Variants in PTPRO observed in about 807,000 individuals in gnomAD.
PTPRO encodes the protein receptor-type tyrosine-protein phosphatase O.
Under a neutral mutation model 145.2 loss-of-function variants are expected in PTPRO, and 62 were observed. The ratio of observed to expected loss-of-function variants is 0.43; its 90% confidence interval spans 0.35 to 0.53. The LOEUF is 0.53. PTPRO is among the 20% of genes least tolerant of loss of function. PTPRO has a pLI of 0.01. For synonymous variants in PTPRO, 565 were observed against 514.7 expected (o/e 1.10, Z -1.32); for missense variants, 1,345 against 1,482.7 (o/e 0.91, Z 1.53).
chr12:15,458,366 T>C (rs913731320), intron 1 of PTPRO, among the ~76,000 whole-genome samples: 1 of 152,082 alleles, frequency 6.6e-6, no homozygotes, highest in African/African-American at 2.4e-5. Flanking sequence ...TTGGAGCTCT[T>C]AGGCTTCCTT....
intron 24 of PTPRO, 64 bp downstream of exon 24, chr12:15,587,115 A>G: frequency 1.3e-6 from 2 of 1,558,244 alleles, no homozygotes; most frequent in Non-Finnish European, 1.8e-6. Context: ...GGAACAGCTC[A>G]CCATTCCATA....
chr12:15,535,804 G>C (rs999773537), intron 12 of PTPRO, among the ~76,000 whole-genome samples: 7 of 152,152 alleles, frequency 4.6e-5, no homozygotes, highest in African/African-American at 1.7e-4. Context: ...TTGGAATTTG[G>C]TCTTAGGGAC....
At chr12:15,354,160 A>T (rs2136234556) in intron 1 of PTPRO, among the ~76,000 whole-genome samples, 1 of 152,270 alleles carries the variant, frequency 6.6e-6, no homozygotes, top group South Asian at 2.1e-4. Flanking sequence ...TTCTACACAA[A>T]TTGATGTAGA....
intron 1 of PTPRO, among the ~76,000 whole-genome samples, chr12:15,361,987 T>C (rs1460268536): frequency 6.6e-6 from 1 of 152,210 alleles, no homozygotes; most frequent in Non-Finnish European, 1.5e-5. Flanking sequence ...ACAGACACTG[T>C]ACATGAACTA....
intron 10 of PTPRO, among the ~76,000 whole-genome samples, chr12:15,521,539 A>G (rs1441366884): frequency 6.6e-6 from 1 of 152,200 alleles, no homozygotes; most frequent in Non-Finnish European, 1.5e-5. Flanking sequence ...CCTTCTCACC[A>G]GGACAGTTGT....
At chr12:15,520,746 TA>T (rs1430186910) in intron 10 of PTPRO, among the ~76,000 whole-genome samples, 1 of 152,170 alleles carries the variant, frequency 6.6e-6, no homozygotes, top group Non-Finnish European at 1.5e-5. Context: ...TTGTGGAAAT[TA>T]AAAAATAGGG....
intron 6 of PTPRO, among the ~76,000 whole-genome samples, chr12:15,507,014 G>C (rs1308067137): frequency 2.0e-5 from 3 of 152,268 alleles, no homozygotes; most frequent in East Asian, 3.9e-4. Flanking sequence ...TTTGGAATCA[G>C]ACTTCCTGTG....
chr12:15,381,120 C>T lies in PTPRO; in HGVS notation c.75+58319C>T, dbSNP rs115371289. On this transcript the variant is annotated intron_variant, in intron 1 of 26. Transcript: ENST00000281171. Reference sequence around the variant, plus strand: ...GAGATTTATCTTTGAAAATAAAAGTCATCTAGTTTCTACAATTAATTAATC... The same window carrying T: ...GAGATTTATCTTTGAAAATAAAAGTTATCTAGTTTCTACAATTAATTAATC... 4.3e-3 allele frequency among the ~76,000 whole-genome samples: 649 copies of T among 152,244 alleles called. 5 individuals are homozygous for T. Among genetic ancestry groups the T allele is most frequent in the African/African-American group, 0.015 (611 of 41,556 alleles).
At chr12:15,439,851 T>A (rs1466942573) in intron 1 of PTPRO, 2 of 627,682 alleles carry the variant, frequency 3.2e-6, no homozygotes, top group Non-Finnish European at 5.8e-6. Context: ...TTGAAGATTA[T>A]GATGGTGCAG....
chr12:15,401,299 C>A (rs930620198), intron 1 of PTPRO, among the ~76,000 whole-genome samples: 2 of 152,214 alleles, frequency 1.3e-5, no homozygotes, highest in African/African-American at 4.8e-5. Flanking sequence ...AAAAACTAGT[C>A]ATCTCCCCAT....
At chr12:15,566,191 G>C (rs947959161) in intron 18 of PTPRO, among the ~76,000 whole-genome samples, 23 of 152,138 alleles carry the variant, frequency 1.5e-4, no homozygotes, top group African/African-American at 5.5e-4. Context: ...GATTTCAAAA[G>C]CCTATTAGAT....
At position 15,584,999 on chromosome 12, in the gene PTPRO, G is replaced by A. The variant is rs529189100; in HGVS notation, c.3256-1898G>A. 8.5e-5 allele frequency among the ~76,000 whole-genome samples: 13 copies of A among 152,236 alleles called. No individual in the cohort carries two copies. In the South Asian group the frequency reaches 1.7e-3, roughly 19 times the overall value. On this transcript the variant is annotated intron_variant, in intron 23 of 26. Transcript: ENST00000281171. The stretch of plus-strand genomic sequence containing the variant: ...CTGGAGACTAAAGATCATCAAAAAC[G>A]TGTTTGTTGCCAGGGACTTTGTGCC...
At chr12:15,387,346 T>C (rs1768756423) in intron 1 of PTPRO, among the ~76,000 whole-genome samples, 1 of 140,056 alleles carries the variant, frequency 7.1e-6, no homozygotes, top group African/African-American at 2.6e-5. Flanking sequence ...TTTAACATGC[T>C]ATTTTTTAAA....
At chr12:15,515,663 G>T (rs200201580) in intron 8 of PTPRO, 45 bp downstream of exon 8, 2 of 1,611,954 alleles carry the variant, frequency 1.2e-6, no homozygotes, top group African/African-American at 1.3e-5. Context: ...ATATATTAGG[G>T]TATTGACGGA....
At position 15,587,012 on chromosome 12, in the gene PTPRO, A is replaced by G. The variant is rs764247353; in HGVS notation, c.3371A>G (p.Gln1124Arg). 2.5e-6 allele frequency: 4 copies of G among 1,614,022 alleles called. No individual in the cohort carries two copies. Among genetic ancestry groups the G allele is most frequent in the Non-Finnish European group, 3.4e-6 (4 of 1,179,998 alleles). The change falls in exon 24 of 27, where the codon CAA (glutamine) becomes CGA (arginine). Residue 1124 changes from glutamine (Q) to arginine (R), a missense_variant. By Grantham distance (43) the Gln-to-Arg change is conservative. Around this residue, in one of 3 missense-constraint regions of PTPRO, gnomAD observed 208 missense variants for 242.8 expected, o/e 0.86. Coordinates refer to ENST00000281171, the MANE Select transcript of PTPRO (RefSeq NM_030667.3). ...ILQFVHMVRQ[Q>R]ATKSKGPMII... ...CAGTTTGTACACATGGTCCGACAGCAAGCTACCAAGAGCAAAGGTCCCATG... is the reference window on the plus strand; with the variant it reads ...CAGTTTGTACACATGGTCCGACAGCGAGCTACCAAGAGCAAAGGTCCCATG...
chr12:15,374,372 G>A (rs1938618258), intron 1 of PTPRO, among the ~76,000 whole-genome samples: 1 of 151,864 alleles, frequency 6.6e-6, no homozygotes, highest in Non-Finnish European at 1.5e-5. Flanking sequence ...CTGAAAATTA[G>A]CCAAATACAT....
At position 15,569,507 on chromosome 12, in the gene PTPRO, G is replaced by A. The variant is rs747889806; in HGVS notation, c.2829+9G>A. Reference sequence around the variant, plus strand: ...TTTCTCTTCAGTTTGAGGTGAGTTGGTTAAGGCATTTTCTACCTTCTGTAA... The same window carrying A: ...TTTCTCTTCAGTTTGAGGTGAGTTGATTAAGGCATTTTCTACCTTCTGTAA... On this transcript the variant is annotated intron_variant, in intron 19 of 26. Coordinates refer to ENST00000281171, the MANE Select transcript of PTPRO (RefSeq NM_030667.3). The A allele has an allele frequency of 5.6e-6, 9 of 1,603,696 alleles. No individual in the cohort carries two copies. In the South Asian group the frequency reaches 9.9e-5, roughly 18 times the overall value.
intron 12 of PTPRO, among the ~76,000 whole-genome samples, chr12:15,533,548 T>A (rs1438197661): frequency 6.6e-6 from 1 of 152,162 alleles, no homozygotes; most frequent in African/African-American, 2.4e-5. Flanking sequence ...GACCTCAAAG[T>A]TGAACATAGT....
chr12:15,425,621 T>C (rs1437592653), intron 1 of PTPRO, among the ~76,000 whole-genome samples: 1 of 152,186 alleles, frequency 6.6e-6, no homozygotes. Flanking sequence ...CAATCTGCAA[T>C]GTATTCTTGT....
Sources: gnomAD v4.1 joint callset for allele counts (sites outside exome capture counted in the v4.1 genomes callset) on GRCh38, gnomAD v4.1.1 for gene constraint, gnomAD v4.1.1 regional missense constraint, MANE v1.5 for transcripts, NCBI Gene and HGNC (gene_info 2026-07-23, HGNC 2026-07-21) for gene names.